TMEM150B: variants seen among roughly 807,000 people sequenced by gnomAD.
TMEM150B encodes modulator of macroautophagy TMEM150B.
TMEM150B carries 33 observed loss-of-function variants against 25.2 expected under a neutral mutation model. The ratio of observed to expected loss-of-function variants is 1.31; its 90% confidence interval spans 0.99 to 1.75. TMEM150B has a LOEUF of 1.75. Among genes scored for constraint, TMEM150B ranks in the 40% most tolerant of loss-of-function variants. TMEM150B has a pLI of 0.00. For missense variants in TMEM150B, 322 were observed against 306.1 expected, an observed-to-expected ratio of 1.05 and a Z score of -0.39; for synonymous variants, 133 against 134.8, an observed-to-expected ratio of 0.99 and a Z score of 0.09.
intron 1 of TMEM150B, among the ~76,000 whole-genome samples, chr19:55,324,375 C>T (rs1308540045): frequency 2.0e-5 from 3 of 151,864 alleles, no homozygotes; most frequent in East Asian, 2.0e-4. Flanking sequence ...GGTGGCCGGG[C>T]ATGGTGGCTC....
downstream of TMEM150B, chr19:55,312,406 C>A (rs554515723): frequency 3.9e-4 from 74 of 189,238 alleles, 1 homozygote; most frequent in Middle Eastern, 1.9e-3. Flanking sequence ...TCGTCCCCAA[C>A]CCCCTCTTCC....
At chr19:55,324,594 G>A in intron 1 of TMEM150B, 1 of 523,446 alleles carries the variant, frequency 1.9e-6, no homozygotes, top group East Asian at 1.4e-4. Flanking sequence ...GTTGCAGTGA[G>A]CCGAGATCGC....
chr19:55,313,105 G>T, intron 7 of TMEM150B, 50 bp from the exon 8 acceptor site: 4 of 1,536,748 alleles, frequency 2.6e-6, no homozygotes, highest in Non-Finnish European at 3.5e-6. Flanking sequence ...CGCGGAGCCC[G>T]GCCTGGTCTC....
rs2089194652 is a variant in TMEM150B at position 55,321,062 on chromosome 19, G to T, written c.-26C>A. ...GCCGGGCTCTGCAGGTGAAGGATCGGGGCTGAGGCTGGACACCTGTCTCTC... is the reference window on the plus strand; with the variant it reads ...GCCGGGCTCTGCAGGTGAAGGATCGTGGCTGAGGCTGGACACCTGTCTCTC... On this transcript the variant is annotated 5_prime_UTR_variant, in exon 3 of 8. Coordinates refer to ENST00000326652, the MANE Select transcript of TMEM150B (RefSeq NM_001282011.2). 3.7e-6 allele frequency: 6 copies of T among 1,606,446 alleles called. No homozygotes were observed. The highest frequency in any genetic ancestry group is 5.1e-6 in the Non-Finnish European group (6 of 1,176,230).
Position 55,321,074 on chromosome 19 carries a change from G to T in TMEM150B, c.-38C>A. The T allele has an allele frequency of 6.3e-7, 1 of 1,596,738 alleles. No homozygotes were observed. The highest frequency in any genetic ancestry group is 1.1e-5 in the South Asian group (1 of 88,692). ...AGGTGAAGGATCGGGGCTGAGGCTG[G>T]ACACCTGTCTCTCTCACACCTGAAG... On this transcript the variant is annotated 5_prime_UTR_variant, in exon 3 of 8. Transcript: ENST00000326652.
At chr19:55,314,423 C>G (rs1600214000) in intron 7 of TMEM150B, among the ~76,000 whole-genome samples, 1 of 152,196 alleles carries the variant, frequency 6.6e-6, no homozygotes, top group Non-Finnish European at 1.5e-5. Context: ...CAGCCTCACT[C>G]CTCCCTGGGC....
downstream of TMEM150B, among the ~76,000 whole-genome samples, chr19:55,310,618 G>A (rs2088765080): frequency 6.6e-6 from 1 of 152,194 alleles, no homozygotes; most frequent in Non-Finnish European, 1.5e-5. This position sits in a 1 kb window ranked among gnomAD's most constrained non-coding sequence, Gnocchi z 5.0. Flanking sequence ...ACAGGGGGAT[G>A]CCAATGGCCT....
chr19:55,324,743 C>T (rs1375594424), intron 1 of TMEM150B: 1 of 985,444 alleles, frequency 1.0e-6, no homozygotes, highest in African/African-American at 1.7e-5. Flanking sequence ...TCCTCCTCAC[C>T]CCTTCTGCTG....
chr19:55,313,360 C>G (rs1390271997), intron 7 of TMEM150B, among the ~76,000 whole-genome samples: 1 of 152,162 alleles, frequency 6.6e-6, no homozygotes, highest in East Asian at 1.9e-4. Context: ...TGCCTCCCTA[C>G]TTGTCCAGGA....
downstream of TMEM150B, among the ~76,000 whole-genome samples, chr19:55,311,287 C>T (rs181173406): frequency 4.9e-4 from 74 of 152,236 alleles, no homozygotes; most frequent in Non-Finnish European, 9.4e-4. Flanking sequence ...AAAAGAAAAA[C>T]GAGGTCTCCG....
chr19:55,319,846 G>C (rs2089142589), intron 6 of TMEM150B, 193 bp downstream of exon 6: 2 of 1,417,924 alleles, frequency 1.4e-6, no homozygotes, highest in Non-Finnish European at 1.8e-6. Flanking sequence ...AAACAGCCTC[G>C]CTCGTAGTGC....
At chr19:55,312,622 C>T (rs1261979439), downstream of TMEM150B, 1 of 423,884 alleles carries the variant, frequency 2.4e-6, no homozygotes, top group Non-Finnish European at 4.2e-6. Flanking sequence ...CTCTCGATTC[C>T]TGGGTGCCCA....
At chr19:55,312,533 CAAAA>C (rs372052269), downstream of TMEM150B, 22 of 25,742 alleles carry the variant, frequency 8.5e-4, no homozygotes, top group African/African-American at 3.4e-3. Context: ...CCGCCGGCGG[CAAAA>C]AAAAAAAAAA....
At position 55,320,018 on chromosome 19, in the gene TMEM150B, TG is replaced by T. The variant is rs1304020216; in HGVS notation, c.324+20del. The stretch of plus-strand genomic sequence containing the variant: ...TCCAGACGCCGGCCGGGACAGACCC[TG>T]GGCGCCGACTGGGTCTCACCTGGAA... On this transcript the variant is annotated intron_variant, in intron 6 of 7. Coordinates refer to ENST00000326652, the MANE Select transcript of TMEM150B (RefSeq NM_001282011.2). The T allele has an allele frequency of 1.2e-6, 2 of 1,613,594 alleles. No individual in the cohort carries two copies. Among genetic ancestry groups the T allele is most frequent in the Admixed American group, 3.3e-5 (2 of 59,966 alleles).
chr19:55,313,898 A>T (rs527344720), intron 7 of TMEM150B, among the ~76,000 whole-genome samples: 1 of 152,282 alleles, frequency 6.6e-6, no homozygotes, highest in African/African-American at 2.4e-5. Flanking sequence ...TATTCCATTC[A>T]TTCAGGGATT....
chr19:55,313,684 C>T (rs1386609896), intron 7 of TMEM150B, among the ~76,000 whole-genome samples: 13 of 152,176 alleles, frequency 8.5e-5, no homozygotes, highest in Non-Finnish European at 1.5e-5. Context: ...CCTTACCCAT[C>T]TCTCTCCAGC....
Position 55,320,076 on chromosome 19 carries a change from A to G in TMEM150B, c.287T>C (p.Leu96Pro). The change falls in exon 6 of 8, where the codon CTG becomes CCG. Residue 96 changes from leucine (L) to proline (P), a missense_variant. Transcript: ENST00000326652. ...PNQLILWTGL[L>P]CALGTSVVGN... ...TACCACGGAGGTGCCCAGGGCACAC[A>G]GAAGACCCGTCCATAGGATCAGCTG... is the stretch of plus-strand genomic sequence containing the variant. The G allele has an allele frequency of 1.2e-6, 2 of 1,614,178 alleles. No individual in the cohort carries two copies. The highest frequency in any genetic ancestry group is 8.5e-7 in the Non-Finnish European group (1 of 1,180,024).
In TMEM150B at chr19:55,313,197, C is replaced by CG. The variant is rs548330518; in HGVS notation, c.506-143dup. Reference sequence around the variant, plus strand: ...CCCTTCCCCCGTAGCTCCTCACAGACGGGGCCTCGCCTTGGTCTCCGATGC... The same window carrying CG: ...CCCTTCCCCCGTAGCTCCTCACAGACGGGGGCCTCGCCTTGGTCTCCGATGC... On this transcript the variant is annotated intron_variant, in intron 7 of 7. Coordinates refer to ENST00000326652, the MANE Select transcript of TMEM150B (RefSeq NM_001282011.2). 250 of 829,666 alleles carry CG rather than the reference C, an allele frequency of 3.0e-4. 3 individuals carry two copies. In the South Asian group the frequency reaches 4.3e-3, roughly 14 times the overall value. The allele number at this position is 829,666 out of a possible 1,614,324, so 51.4% of individuals were successfully genotyped here.
chr19:55,311,920 A>G, downstream of TMEM150B: 1 of 1,611,722 alleles, frequency 6.2e-7, no homozygotes, highest in Non-Finnish European at 8.5e-7. Context: ...GACGAGAAGA[A>G]CGGGGCCCAG....
Sources: gnomAD v4.1 joint callset for allele counts (sites outside exome capture counted in the v4.1 genomes callset) on GRCh38, gnomAD v4.1.1 for gene constraint, Gnocchi (gnomAD v3.1) non-coding constraint, MANE v1.5 for transcripts, NCBI Gene and HGNC (gene_info 2026-07-23, HGNC 2026-07-21) for gene names.